Variants in CDIN1 observed in about 807,000 individuals in gnomAD.
The protein encoded by CDIN1 is CDAN1 interacting nuclease 1.
In CDIN1, 33 loss-of-function variants were observed where a neutral mutation model predicts 45.3. The observed-to-expected ratio is 0.73, with a 90% CI of 0.55 to 0.97. The LOEUF (loss-of-function observed/expected upper bound fraction) is 0.97. CDIN1 is among the 50% of genes least tolerant of loss of function. The pLI is 0.00. For missense variants in CDIN1, 303 were observed against 339.4 expected (o/e 0.89, Z 0.84); for synonymous variants, 118 against 124.4 (o/e 0.95, Z 0.34).
intron 1 of CDIN1, chr15:36,617,213 C>G: frequency 2.3e-6 from 2 of 869,692 alleles, no homozygotes; most frequent in Non-Finnish European, 2.0e-6. Context: ...ACTGAAAGCT[C>G]TTGGCATGAA....
At chr15:36,654,072 T>C in intron 3 of CDIN1, 26 bp from the exon 4 acceptor site, 1 of 1,556,442 alleles carries the variant, frequency 6.4e-7, no homozygotes, top group South Asian at 1.2e-5. Flanking sequence ...TGTCACTGCA[T>C]TACCACTTGG....
At chr15:36,602,704 G>A (rs1003371890) in intron 1 of CDIN1, among the ~76,000 whole-genome samples, 3 of 152,188 alleles carry the variant, frequency 2.0e-5, no homozygotes, top group African/African-American at 7.2e-5. Flanking sequence ...TGGGCGCAGT[G>A]GCTCACGCCT....
chr15:36,710,085 GATTA>G, intron 10 of CDIN1, 124 bp downstream of exon 10: 1 of 578,168 alleles, frequency 1.7e-6, no homozygotes, highest in Middle Eastern at 4.2e-4. Context: ...ACAGAGTTTT[GATTA>G]ATGTATTCAT....
intron 5 of CDIN1, among the ~76,000 whole-genome samples, chr15:36,687,544 G>T (rs1253287542): frequency 6.6e-6 from 1 of 152,100 alleles, no homozygotes; most frequent in African/African-American, 2.4e-5. Flanking sequence ...AGAAAGTCTT[G>T]ACTTTGCCAA....
intron 10 of CDIN1, among the ~76,000 whole-genome samples, chr15:36,752,781 T>G (rs2053508942): frequency 6.6e-6 from 1 of 152,196 alleles, no homozygotes; most frequent in East Asian, 1.9e-4. Flanking sequence ...GTTTGGCTTC[T>G]CACTGAGTTT....
intron 10 of CDIN1, among the ~76,000 whole-genome samples, chr15:36,796,984 C>A (rs2054820992): frequency 6.6e-6 from 1 of 152,184 alleles, no homozygotes; most frequent in African/African-American, 2.4e-5. Flanking sequence ...AAAAGCCGCA[C>A]AACCGACATA....
At chr15:36,722,687 A>G (rs1157453701) in intron 10 of CDIN1, among the ~76,000 whole-genome samples, 1 of 152,142 alleles carries the variant, frequency 6.6e-6, no homozygotes, top group African/African-American at 2.4e-5. Context: ...CCTGGAATGG[A>G]TAATGTATAA....
chr15:36,650,005 A>G (rs2040506864), intron 3 of CDIN1, among the ~76,000 whole-genome samples: 1 of 152,250 alleles, frequency 6.6e-6, no homozygotes, highest in Admixed American at 6.5e-5. Flanking sequence ...TATTTTTATC[A>G]CATATGTTAC....
At chr15:36,654,737 T>G (rs1268204079) in intron 4 of CDIN1, among the ~76,000 whole-genome samples, 1 of 152,148 alleles carries the variant, frequency 6.6e-6, no homozygotes, top group Non-Finnish European at 1.5e-5. Flanking sequence ...TGCTTCTGTT[T>G]GGGGAAACAA....
intron 4 of CDIN1, among the ~76,000 whole-genome samples, chr15:36,655,612 A>T (rs2040753367): frequency 6.6e-6 from 1 of 152,194 alleles, no homozygotes. Context: ...GGCGTGAGCC[A>T]CCACGCCCGG....
At chr15:36,580,809 T>G (rs2037007350) in intron 1 of CDIN1, among the ~76,000 whole-genome samples, 1 of 152,260 alleles carries the variant, frequency 6.6e-6, no homozygotes, top group Non-Finnish European at 1.5e-5. Context: ...TCCAAACCTG[T>G]ACCATTTTGT....
intron 10 of CDIN1, among the ~76,000 whole-genome samples, chr15:36,768,780 C>CT (rs1004257159): frequency 1.3e-5 from 2 of 152,006 alleles, no homozygotes; most frequent in African/African-American, 4.8e-5. Flanking sequence ...CAGGCTTTGG[C>CT]TGGGGAAGCA....
chr15:36,652,337 G>T (rs1361924520), intron 3 of CDIN1, among the ~76,000 whole-genome samples: 3 of 152,080 alleles, frequency 2.0e-5, no homozygotes, highest in African/African-American at 7.2e-5. Flanking sequence ...TCGGGTAACT[G>T]AAACTGAAGT....
chr15:36,774,133 GGTGTGTGTGT>G (rs761451923), intron 10 of CDIN1, among the ~76,000 whole-genome samples: 2 of 138,746 alleles, frequency 1.4e-5, no homozygotes, highest in Non-Finnish European at 3.1e-5. Context: ...AACTGACAGG[GGTGTGTGTGT>G]GTGTGTGTGT....
chr15:36,630,732 G>A (rs1001725172), intron 1 of CDIN1, among the ~76,000 whole-genome samples: 4 of 152,154 alleles, frequency 2.6e-5, no homozygotes, highest in Non-Finnish European at 5.9e-5. Flanking sequence ...GCTGGCTTCT[G>A]CTTCTGGTGA....
intron 10 of CDIN1, chr15:36,799,185 A>G (rs1258104150): frequency 6.6e-6 from 1 of 152,194 alleles, no homozygotes; most frequent in African/African-American, 2.4e-5. Flanking sequence ...ATCGATGGAC[A>G]TGATTTGCAC....
At chr15:36,646,712 T>C (rs566291879) in intron 3 of CDIN1, among the ~76,000 whole-genome samples, 4 of 152,362 alleles carry the variant, frequency 2.6e-5, no homozygotes, top group South Asian at 4.1e-4. Flanking sequence ...TAGGCTGTTA[T>C]ATAAAAGTAT....
At chr15:36,694,268 C>G (rs1444470763) in intron 7 of CDIN1, among the ~76,000 whole-genome samples, 2 of 152,116 alleles carry the variant, frequency 1.3e-5, no homozygotes, top group Non-Finnish European at 2.9e-5. Flanking sequence ...TAGATGTTTC[C>G]TAGACTGATC....
chr15:36,646,402 A>G (rs1249037859), intron 3 of CDIN1, among the ~76,000 whole-genome samples: 1 of 152,136 alleles, frequency 6.6e-6, no homozygotes, highest in Non-Finnish European at 1.5e-5. Context: ...AAGAAAGATA[A>G]CATGCACTCA....
Sources: gnomAD v4.1 joint callset for allele counts (sites outside exome capture counted in the v4.1 genomes callset) on GRCh38, gnomAD v4.1.1 for gene constraint, MANE v1.5 for transcripts, NCBI Gene and HGNC (gene_info 2026-07-23, HGNC 2026-07-21) for gene names.